Variants in PRH1 observed in about 807,000 individuals in gnomAD.
The protein encoded by PRH1 is proline rich protein HaeIII subfamily 1.
In PRH1, 7 loss-of-function variants were observed where a neutral mutation model predicts 7.9. That is an observed-to-expected ratio of 0.89 (90% CI 0.50 to 1.67). The LOEUF (loss-of-function observed/expected upper bound fraction) is 1.67, where lower values mean the gene tolerates loss of function less well. PRH1 is among the 40% of genes most tolerant of loss of function. PRH1 has a pLI of 0.00. For synonymous variants in PRH1, 45 were observed against 80.8 expected, an observed-to-expected ratio of 0.56 and a Z score of 2.38; for missense variants, 109 against 223.6, an observed-to-expected ratio of 0.49 and a Z score of 3.27.
intron 2 of PRH1, among the ~76,000 whole-genome samples, chr12:10,897,179 C>T (rs1949659614): frequency 6.6e-6 from 1 of 152,178 alleles, no homozygotes; most frequent in African/African-American, 2.4e-5. Flanking sequence ...AGCCACATGT[C>T]ACACGTGGCT....
intron 1 of PRH1, among the ~76,000 whole-genome samples, chr12:11,157,802 A>G (rs1426146732): frequency 6.6e-6 from 1 of 152,220 alleles, no homozygotes; most frequent in African/African-American, 2.4e-5. Flanking sequence ...TAGTTAAATG[A>G]AATATATGAT....
chr12:11,135,066 A>G (rs1269714020), intron 1 of PRH1, among the ~76,000 whole-genome samples: 2 of 152,158 alleles, frequency 1.3e-5, no homozygotes, highest in Non-Finnish European at 2.9e-5. Flanking sequence ...TATTTATCAA[A>G]CATATCTCTA....
intron 2 of PRH1, among the ~76,000 whole-genome samples, chr12:10,898,337 C>T (rs1949677902): frequency 6.6e-6 from 1 of 152,130 alleles, no homozygotes; most frequent in Admixed American, 6.5e-5. Flanking sequence ...CCAAAAGATA[C>T]ACCCTAGGTA....
intron 1 of PRH1, among the ~76,000 whole-genome samples, chr12:11,033,348 C>A (rs1286560103): frequency 6.6e-6 from 1 of 150,802 alleles, no homozygotes; most frequent in African/African-American, 2.5e-5. Context: ...GCCTGGGCGA[C>A]ACAGCAAGAC....
At chr12:11,010,232 A>G (rs1031117817) in intron 1 of PRH1, among the ~76,000 whole-genome samples, 3 of 151,966 alleles carry the variant, frequency 2.0e-5, no homozygotes, top group Admixed American at 6.6e-5. Context: ...AATCTTTTAA[A>G]AATGTCTTAG....
intron 1 of PRH1, among the ~76,000 whole-genome samples, chr12:11,154,252 T>C (rs922025085): frequency 6.6e-6 from 1 of 152,166 alleles, no homozygotes; most frequent in African/African-American, 2.4e-5. Flanking sequence ...CTGAAATACA[T>C]TAAAAGAGAA....
chr12:11,060,035 C>T (rs1325810586), intron 1 of PRH1, among the ~76,000 whole-genome samples: 1 of 151,934 alleles, frequency 6.6e-6, no homozygotes, highest in Admixed American at 6.6e-5. Context: ...TTTTACAGTT[C>T]TTACATTGTA....
chr12:11,161,234 G>T (rs553737636), intron 1 of PRH1, among the ~76,000 whole-genome samples: 1 of 152,260 alleles, frequency 6.6e-6, no homozygotes, highest in South Asian at 2.1e-4. Context: ...ACATAGGGAA[G>T]GTTACTCAGA....
At chr12:10,941,431 C>T (rs1241789337) in intron 2 of PRH1, among the ~76,000 whole-genome samples, 1 of 152,138 alleles carries the variant, frequency 6.6e-6, no homozygotes, top group Non-Finnish European at 1.5e-5. Context: ...TAATCCATTT[C>T]AGTGTCAAAG....
chr12:11,117,799 C>T (rs144750273), downstream of PRH1, among the ~76,000 whole-genome samples: 137 of 152,190 alleles, frequency 9.0e-4, no homozygotes, highest in African/African-American at 3.2e-3. Flanking sequence ...GAAAAAGATG[C>T]CAAGAACGTA....
At chr12:10,934,086 G>T (rs1950251477) in intron 2 of PRH1, among the ~76,000 whole-genome samples, 1 of 152,124 alleles carries the variant, frequency 6.6e-6, no homozygotes, top group Non-Finnish European at 1.5e-5. Context: ...AATATAATAA[G>T]AAAATGATTA....
chr12:10,974,512 G>C (rs1443144957), intron 1 of PRH1, among the ~76,000 whole-genome samples: 1 of 152,100 alleles, frequency 6.6e-6, no homozygotes. Flanking sequence ...ATTCAGCGCG[G>C]GAGTGCTGAG....
downstream of PRH1, among the ~76,000 whole-genome samples, chr12:11,117,774 A>G (rs1945772764): frequency 6.6e-6 from 1 of 152,226 alleles, no homozygotes; most frequent in African/African-American, 2.4e-5. Flanking sequence ...ACACACCTAC[A>G]GTGAACTCAT....
At chr12:10,891,047 G>T (rs1298494184) in intron 2 of PRH1, among the ~76,000 whole-genome samples, 1 of 152,108 alleles carries the variant, frequency 6.6e-6, no homozygotes, top group Non-Finnish European at 1.5e-5. Context: ...TTTGCAATAT[G>T]TTGGGATGGT....
chr12:11,039,681 A>C (rs558782319), intron 1 of PRH1, among the ~76,000 whole-genome samples: 1 of 152,370 alleles, frequency 6.6e-6, no homozygotes, highest in South Asian at 2.1e-4. Flanking sequence ...TAATATGTAG[A>C]ATGAATCCCG....
intron 2 of PRH1, among the ~76,000 whole-genome samples, chr12:10,932,663 G>C (rs1950230656): frequency 6.6e-6 from 1 of 152,132 alleles, no homozygotes; most frequent in Admixed American, 6.5e-5. Context: ...CTAGGAAAGT[G>C]AGTATGGTTC....
chr12:11,093,047 T>A (rs1471481670), intron 1 of PRH1, among the ~76,000 whole-genome samples: 1 of 116,636 alleles, frequency 8.6e-6, no homozygotes, highest in African/African-American at 2.9e-5. Flanking sequence ...TTTGCTAGTA[T>A]GCAAATAGGG....
chr12:11,144,133 G>A (rs1048910596), intron 1 of PRH1, among the ~76,000 whole-genome samples: 1 of 152,090 alleles, frequency 6.6e-6, no homozygotes, highest in African/African-American at 2.4e-5. Flanking sequence ...ACTGGCAGTG[G>A]GTGTGGCCCT....
intron 1 of PRH1, among the ~76,000 whole-genome samples, chr12:11,014,577 T>A (rs1941207098): frequency 6.6e-6 from 1 of 152,116 alleles, no homozygotes; most frequent in Admixed American, 6.5e-5. Flanking sequence ...AAAAACTGAT[T>A]CCTGAGGTCA....
Sources: gnomAD v4.1 joint callset for allele counts (sites outside exome capture counted in the v4.1 genomes callset) on GRCh38, gnomAD v4.1.1 for gene constraint, MANE v1.5 for transcripts, NCBI Gene and HGNC (gene_info 2026-07-23, HGNC 2026-07-21) for gene names.